STK33: variants seen among roughly 807,000 people sequenced by gnomAD.
STK33 encodes serine/threonine kinase 33, also known as serine/threonine-protein kinase 33.
In STK33, 52 loss-of-function variants were observed where a neutral mutation model predicts 58.0. The observed-to-expected ratio is 0.90, with a 90% CI of 0.72 to 1.13. The LOEUF is 1.13. STK33 is among the 50% of genes most tolerant of loss of function. STK33 has a pLI of 0.00. For missense variants in STK33, 630 were observed against 604.2 expected (o/e 1.04, Z -0.45); for synonymous variants, 215 against 200.1 (o/e 1.07, Z -0.63).
At position 8,473,209 on chromosome 11, in the gene STK33, T is replaced by A; in HGVS notation, c.293A>T (p.Glu98Val). The change falls in exon 6 of 16, where the codon GAA becomes GTA. Residue 98 changes from glutamate to valine, a missense_variant. Transcript: ENST00000687296. The part of the protein sequence containing the change: ...QQQWGRGNFT[E>V]GKVPHIRIEN... Reference sequence around the variant, plus strand: ...AATCCTTATGTGAGGAACTTTTCCTTCTGTAAAGTTGCCCCGACCCCATTG... The same window carrying A: ...AATCCTTATGTGAGGAACTTTTCCTACTGTAAAGTTGCCCCGACCCCATTG... 1 of 1,613,682 alleles carries A rather than the reference T, an allele frequency of 6.2e-7. No homozygotes were observed. The highest frequency in any genetic ancestry group is 8.5e-7 in the Non-Finnish European group (1 of 1,179,822).
chr11:8,478,129 C>T (rs1012060641), intron 2 of STK33, among the ~76,000 whole-genome samples: 2 of 152,096 alleles, frequency 1.3e-5, no homozygotes, highest in Admixed American at 1.3e-4. Flanking sequence ...ACGAATTGAT[C>T]TGAAAGATTT....
rs12419725 is a variant in STK33 at position 8,453,422 on chromosome 11, T to C, written c.787-516A>G. 5.4e-3 allele frequency among the ~76,000 whole-genome samples: 821 copies of C among 152,304 alleles called. 3 individuals are homozygous for C. The highest frequency in any genetic ancestry group is 7.6e-3 in the Non-Finnish European group (516 of 68,018). ...ATAATTGGTAAACAGTATCTTTTCT[T>C]TACTATTGTTTCCTTTGTGTTTCTA... On this transcript the variant is annotated intron_variant, in intron 10 of 15. Coordinates refer to ENST00000687296, the MANE Select transcript of STK33 (RefSeq NM_001352389.2).
chr11:8,590,054 A>C (rs928678617), intron 1 of STK33, among the ~76,000 whole-genome samples: 8 of 152,188 alleles, frequency 5.3e-5, no homozygotes, highest in Non-Finnish European at 1.2e-4. Flanking sequence ...GCCTTTGGTA[A>C]ATGGTAAATG....
downstream of STK33, among the ~76,000 whole-genome samples, chr11:8,389,255 A>G (rs1051602357): frequency 2.6e-5 from 4 of 152,252 alleles, no homozygotes; most frequent in African/African-American, 7.2e-5. Context: ...CCCACCAAAG[A>G]AGGCAGCAAA....
intron 11 of STK33, among the ~76,000 whole-genome samples, chr11:8,443,761 G>A (rs1945058828): frequency 6.6e-6 from 1 of 152,208 alleles, no homozygotes; most frequent in Non-Finnish European, 1.5e-5. Flanking sequence ...CACTTTGGGA[G>A]GCCAAAACAG....
intron 1 of STK33, among the ~76,000 whole-genome samples, chr11:8,480,959 T>C (rs2138196506): frequency 6.6e-6 from 1 of 152,310 alleles, no homozygotes; most frequent in Admixed American, 6.5e-5. Flanking sequence ...ATTAAAACTT[T>C]TTCACTAATA....
At chr11:8,502,049 G>A (rs1383980527) in intron 1 of STK33, among the ~76,000 whole-genome samples, 3 of 142,176 alleles carry the variant, frequency 2.1e-5, no homozygotes, top group Non-Finnish European at 3.0e-5. Context: ...ATAGGTATGA[G>A]GTTTCTTCGT....
chr11:8,366,142 G>A, the STK33 span, among the ~76,000 whole-genome samples: 2 of 152,224 alleles, frequency 1.3e-5, no homozygotes, highest in African/African-American at 2.4e-5. Flanking sequence ...GCTGGATAGA[G>A]AAGAAGTTGC....
At position 8,474,637 on chromosome 11, in the gene STK33, C is replaced by T. The variant is rs200403786; in HGVS notation, c.225+44G>A. ...TGAAGCTAGGAGTACCATTAGGGAA[C>T]GGGATGTCAACTTGTGCTTAGATGT... On this transcript the variant is annotated intron_variant, in intron 5 of 15. Coordinates refer to ENST00000687296, the MANE Select transcript of STK33 (RefSeq NM_001352389.2). The T allele has an allele frequency of 7.9e-5, 113 of 1,428,476 alleles. No homozygotes were observed. In the African/African-American group the frequency reaches 1.3e-3, roughly 16 times the overall value. 88.5% of individuals were successfully genotyped at this position (1,428,476 alleles called of 1,614,324 possible).
chr11:8,475,580 T>C (rs538928092), intron 4 of STK33: 4 of 152,316 alleles, frequency 2.6e-5, no homozygotes, highest in Admixed American at 2.6e-4. Flanking sequence ...GAAAACTAGC[T>C]AATCCTAAAA....
At chr11:8,565,062 G>C (rs1016932689) in intron 1 of STK33, among the ~76,000 whole-genome samples, 8 of 152,124 alleles carry the variant, frequency 5.3e-5, no homozygotes, top group African/African-American at 1.9e-4. Flanking sequence ...ACTCTAGAAA[G>C]CCCTTGAGAG....
chr11:8,545,973 G>T (rs1015543819), intron 1 of STK33, among the ~76,000 whole-genome samples: 12 of 152,132 alleles, frequency 7.9e-5, no homozygotes, highest in African/African-American at 2.9e-4. Flanking sequence ...TTGTTCCTAG[G>T]CTACAAACCT....
intron 1 of STK33, among the ~76,000 whole-genome samples, chr11:8,550,187 T>C (rs1325868153): frequency 6.6e-6 from 1 of 152,222 alleles, no homozygotes; most frequent in Non-Finnish European, 1.5e-5. Flanking sequence ...ATAATTCTTC[T>C]TACAAAAATA....
chr11:8,534,660 G>A (rs889520771), intron 1 of STK33, among the ~76,000 whole-genome samples: 1 of 149,478 alleles, frequency 6.7e-6, no homozygotes, highest in African/African-American at 2.5e-5. Context: ...ATTGTTCTAA[G>A]GCATAAAAAA....
intron 14 of STK33, among the ~76,000 whole-genome samples, chr11:8,431,696 G>A (rs897369060): frequency 1.3e-5 from 2 of 152,166 alleles, no homozygotes; most frequent in African/African-American, 4.8e-5. Flanking sequence ...TGGCAAGACT[G>A]ATGCACTTTA....
chr11:8,564,251 T>C (rs1957305011), intron 1 of STK33, among the ~76,000 whole-genome samples: 1 of 152,202 alleles, frequency 6.6e-6, no homozygotes, highest in Non-Finnish European at 1.5e-5. Flanking sequence ...TCCCATCAAA[T>C]GGCTTCCTTC....
chr11:8,461,215 C>G (rs1429020754), intron 8 of STK33, among the ~76,000 whole-genome samples: 1 of 152,146 alleles, frequency 6.6e-6, no homozygotes, highest in Non-Finnish European at 1.5e-5. Context: ...TATTACTCTT[C>G]TAAGAGAAAA....
intron 1 of STK33, among the ~76,000 whole-genome samples, chr11:8,487,750 A>G (rs1282142426): frequency 6.6e-6 from 1 of 152,216 alleles, no homozygotes; most frequent in Non-Finnish European, 1.5e-5. Context: ...GTGGAATACC[A>G]TCAGCAAAAA....
At chr11:8,492,282 G>C (rs1357586004) in intron 1 of STK33, among the ~76,000 whole-genome samples, 1 of 151,758 alleles carries the variant, frequency 6.6e-6, no homozygotes, top group Non-Finnish European at 1.5e-5. Context: ...AAAAAAAAAA[G>C]CAGGGGTTGC....
Sources: allele counts gnomAD v4.1 joint callset (sites outside exome capture counted in the v4.1 genomes callset), GRCh38; gene constraint gnomAD v4.1.1; transcripts MANE v1.5; gene names NCBI Gene and HGNC (gene_info 2026-07-23, HGNC 2026-07-21).